PRDM1: variants seen among roughly 807,000 people sequenced by gnomAD.
PRDM1 encodes PR domain zinc finger protein 1.
Under a neutral mutation model 62.8 loss-of-function variants are expected in PRDM1, and 13 were observed. The ratio of observed to expected loss-of-function variants is 0.21; its 90% CI spans 0.13 to 0.33. The LOEUF (loss-of-function observed/expected upper bound fraction) is 0.33. PRDM1 is among the 10% of genes least tolerant of loss of function. The pLI is 1.00. For missense variants in PRDM1, 895 were observed against 1,058.8 expected, an observed-to-expected ratio of 0.85 and a Z score of 2.15; for synonymous variants, 396 against 417.6, an observed-to-expected ratio of 0.95 and a Z score of 0.63.
chr6:106,000,230 G>T (rs939563600), intron 1 of PRDM1, among the ~76,000 whole-genome samples: 3 of 152,114 alleles, frequency 2.0e-5, no homozygotes, highest in Admixed American at 2.0e-4. Context: ...TTATTTCTGT[G>T]TACCTATCTC....
At chr6:106,072,212 C>G (rs1435179833) in intron 1 of PRDM1, 1 of 152,170 alleles carries the variant, frequency 6.6e-6, no homozygotes, top group Non-Finnish European at 1.5e-5. Flanking sequence ...AGCTGTTTCA[C>G]TGGGGGCAGG....
At chr6:106,028,505 A>C (rs548849481) in intron 1 of PRDM1, among the ~76,000 whole-genome samples, 1 of 152,346 alleles carries the variant, frequency 6.6e-6, no homozygotes, top group South Asian at 2.1e-4. Flanking sequence ...CATGTAATGG[A>C]ATACTAAAAC....
chr6:106,106,513 T>TGAC lies in PRDM1; in HGVS notation c.1902+14_1902+15insGAC, dbSNP rs752579679. ...CATGAATGCCAGGTGCGCAGTATTT[T>TGAC]CTGGGTAGACCTTCTGACCTTTGTA... On this transcript the variant is annotated intron_variant, in intron 6 of 6. Coordinates refer to ENST00000369096, the MANE Select transcript of PRDM1 (RefSeq NM_001198.4). The surrounding 1 kb of genome is among the most constrained non-coding windows in gnomAD (Gnocchi z 4.4). The TGAC allele has an allele frequency of 1.4e-5, 23 of 1,612,666 alleles. No homozygotes were observed. Among genetic ancestry groups the TGAC allele is most frequent in the African/African-American group, 6.7e-5 (5 of 75,040 alleles).
At chr6:106,020,991 C>A (rs776592339) in intron 1 of PRDM1, among the ~76,000 whole-genome samples, 1 of 152,136 alleles carries the variant, frequency 6.6e-6, no homozygotes, top group African/African-American at 2.4e-5. Flanking sequence ...CTTTCATTTT[C>A]TTGGTATGGA....
upstream of PRDM1, among the ~76,000 whole-genome samples, chr6:106,045,075 G>T (rs1773052714): frequency 1.3e-5 from 2 of 152,182 alleles, no homozygotes; most frequent in South Asian, 2.1e-4. Flanking sequence ...ATGTTTAAGT[G>T]ATTTTTTCAA....
chr6:106,068,046 A>G (rs1773459652), intron 1 of PRDM1, among the ~76,000 whole-genome samples: 1 of 152,060 alleles, frequency 6.6e-6, no homozygotes, highest in Non-Finnish European at 1.5e-5. Flanking sequence ...AGGTACCAAC[A>G]GGTATACAGT....
intron 1 of PRDM1, among the ~76,000 whole-genome samples, chr6:106,022,713 C>T (rs1772708920): frequency 6.6e-6 from 1 of 152,108 alleles, no homozygotes; most frequent in East Asian, 1.9e-4. Context: ...GCGTGAGCCA[C>T]CCGCCCAGCC....
rs537723952 is a variant in PRDM1 at position 106,042,863 on chromosome 6, G to T, written c.-66-45338G>T. Among the ~76,000 whole-genome samples the T allele has an allele frequency of 5.3e-5, 8 of 152,146 alleles. No individual in the cohort carries two copies. The South Asian group carries it at 6.2e-4, about 12-fold the overall frequency. On this transcript the variant is annotated intron_variant, in intron 1 of 6. Transcript: ENST00000652320. ...CATTCTACAAGGCTAACACATTTTG[G>T]GGGGAGGATGGAGTTTCACTCTTGT...
chr6:106,103,956 G>A (rs1774354360), intron 4 of PRDM1, among the ~76,000 whole-genome samples: 1 of 152,236 alleles, frequency 6.6e-6, no homozygotes, highest in Non-Finnish European at 1.5e-5. Context: ...ACATCGCGAG[G>A]AAGGTGGTAT....
In PRDM1 at chr6:106,106,634, A is replaced by G. The variant is rs894531975; in HGVS notation, c.1902+135A>G. 1.1e-5 allele frequency: 14 copies of G among 1,277,182 alleles called. No homozygotes were observed. In the Admixed American group the frequency reaches 1.2e-4, roughly 11 times the overall value. 79.1% of individuals were successfully genotyped at this position (1,277,182 alleles called of 1,614,324 possible). ...TGTCCCATCCTGGACTGATGGCACT[A>G]TGGTCCTTCCCAGTACTTTGTATCT... On this transcript the variant is annotated intron_variant, in intron 6 of 6. Transcript: ENST00000369096. The surrounding 1 kb of genome is among the most constrained non-coding windows in gnomAD (Gnocchi z 4.4).
chr6:106,092,131 A>G (rs1295580629), intron 2 of PRDM1, among the ~76,000 whole-genome samples: 14 of 113,824 alleles, frequency 1.2e-4, no homozygotes, highest in African/African-American at 3.5e-4. Context: ...AAGGAATTTG[A>G]AAAAAAAAAA....
At chr6:106,014,049 G>A (rs1002249930) in intron 1 of PRDM1, among the ~76,000 whole-genome samples, 2 of 147,562 alleles carry the variant, frequency 1.4e-5, no homozygotes, top group African/African-American at 5.0e-5. Context: ...AACTCTATGA[G>A]GACAAGGAAT....
chr6:106,093,736 A>G (rs1014303025), intron 2 of PRDM1, among the ~76,000 whole-genome samples: 1 of 152,200 alleles, frequency 6.6e-6, no homozygotes, highest in African/African-American at 2.4e-5. Flanking sequence ...TTTACTGCCA[A>G]CAAATACCAA....
At chr6:106,045,564 C>A (rs78675531), upstream of PRDM1, 1 of 152,102 alleles carries the variant, frequency 6.6e-6, no homozygotes, top group Non-Finnish European at 1.5e-5. Flanking sequence ...GAGAAATCAA[C>A]GTTGTTCTCT....
intron 1 of PRDM1, among the ~76,000 whole-genome samples, chr6:106,004,807 A>G (rs1402813438): frequency 6.6e-6 from 1 of 152,236 alleles, no homozygotes; most frequent in Non-Finnish European, 1.5e-5. Flanking sequence ...GATTAAAAAT[A>G]TATTGTCAAC....
intron 4 of PRDM1, among the ~76,000 whole-genome samples, chr6:106,100,783 C>T (rs982007383): frequency 3.9e-5 from 6 of 152,142 alleles, no homozygotes; most frequent in East Asian, 1.9e-4. Flanking sequence ...GGACCTCCCC[C>T]GTAGGGGAGG....
At chr6:106,028,549 G>A (rs1352284580) in intron 1 of PRDM1, among the ~76,000 whole-genome samples, 1 of 152,124 alleles carries the variant, frequency 6.6e-6, no homozygotes, top group African/African-American at 2.4e-5. Context: ...ATATGAAAAT[G>A]TGTTCACACC....
Position 106,107,967 on chromosome 6 carries a change from A to G in PRDM1, c.*481A>G, listed in dbSNP as rs1337660930. ...TTTGTCTTGTGGCCATTCTTTGTAG[A>G]TAATTTCTGCACATCTGTATAAGTA... On this transcript the variant is annotated 3_prime_UTR_variant, in exon 7 of 7. Coordinates refer to ENST00000369096, the MANE Select transcript of PRDM1 (RefSeq NM_001198.4). 2 of 232,628 alleles carry G rather than the reference A, an allele frequency of 8.6e-6. No individual in the cohort carries two copies. 14.4% of individuals were successfully genotyped at this position (232,628 alleles called of 1,614,324 possible).
intron 1 of PRDM1, among the ~76,000 whole-genome samples, chr6:106,013,200 G>A (rs1772578076): frequency 2.0e-5 from 3 of 151,786 alleles, no homozygotes; most frequent in Non-Finnish European, 4.4e-5. Flanking sequence ...TTCAACAACA[G>A]ATCATCAATA....
Sources: allele counts gnomAD v4.1 joint callset (sites outside exome capture counted in the v4.1 genomes callset), GRCh38; gene constraint gnomAD v4.1.1; non-coding constraint Gnocchi (gnomAD v3.1); transcripts MANE v1.5; gene names NCBI Gene and HGNC (gene_info 2026-07-23, HGNC 2026-07-21).